The following PIAS1 variants were observed in gnomAD, a reference collection of about 807,000 sequenced individuals.
The protein encoded by PIAS1 is protein inhibitor of activated STAT 1.
A neutral mutation model predicts 71.3 loss-of-function variants in PIAS1; 6 were observed. The observed-to-expected ratio is 0.08, with a 90% CI of 0.05 to 0.17. The LOEUF (loss-of-function observed/expected upper bound fraction) is 0.17. Among genes scored for constraint, PIAS1 ranks in the 10% least tolerant of loss-of-function variants. The pLI is 1.00. For synonymous variants in PIAS1, 303 were observed against 292.9 expected, an observed-to-expected ratio of 1.03 and a Z score of -0.35; for missense variants, 555 against 793.6, an observed-to-expected ratio of 0.70 and a Z score of 3.61.
chr15:68,116,415 G>A (rs2141015035), intron 2 of PIAS1, among the ~76,000 whole-genome samples: 1 of 152,108 alleles, frequency 6.6e-6, no homozygotes, highest in African/African-American at 2.4e-5. Flanking sequence ...CACATCCATA[G>A]AATATGTAGT....
At chr15:68,087,376 C>G (rs1016236195) in intron 2 of PIAS1, among the ~76,000 whole-genome samples, 2 of 152,058 alleles carry the variant, frequency 1.3e-5, no homozygotes, top group African/African-American at 4.8e-5. Flanking sequence ...ATATATTAAT[C>G]AACTTGTAAT....
At chr15:68,062,716 T>C (rs1488343988) in intron 1 of PIAS1, among the ~76,000 whole-genome samples, 1 of 152,232 alleles carries the variant, frequency 6.6e-6, no homozygotes, top group Non-Finnish European at 1.5e-5. Flanking sequence ...TAATTTATTG[T>C]GTGTGTGTAT....
intron 1 of PIAS1, among the ~76,000 whole-genome samples, chr15:68,081,138 A>G (rs1428879616): frequency 1.3e-5 from 2 of 152,210 alleles, no homozygotes; most frequent in Non-Finnish European, 2.9e-5. Context: ...GAGTTTGCGT[A>G]CATATATATC....
chr15:68,172,630 T>C (rs150216124), intron 8 of PIAS1, among the ~76,000 whole-genome samples: 1,533 of 152,310 alleles, frequency 0.01, 23 homozygotes, highest in African/African-American at 0.034. Context: ...TGGCAAATAA[T>C]GTGGTTATTG....
intron 1 of PIAS1, among the ~76,000 whole-genome samples, chr15:68,080,042 G>C (rs1036341443): frequency 6.6e-6 from 1 of 152,072 alleles, no homozygotes; most frequent in Non-Finnish European, 1.5e-5. Flanking sequence ...ATGTTGGTCA[G>C]GCTGGTCTCA....
At chr15:68,138,230 G>A (rs2092747084) in intron 2 of PIAS1, among the ~76,000 whole-genome samples, 1 of 152,108 alleles carries the variant, frequency 6.6e-6, no homozygotes, top group African/African-American at 2.4e-5. Context: ...CTGTGACTCT[G>A]CTATATGTTT....
intron 1 of PIAS1, among the ~76,000 whole-genome samples, chr15:68,068,380 T>C (rs1240184435): frequency 6.6e-6 from 1 of 152,096 alleles, no homozygotes; most frequent in Non-Finnish European, 1.5e-5. Context: ...TGCTCATAGA[T>C]TTCAGTAAGT....
At chr15:68,072,399 CAAAAAAAAAAAA>C (rs1166484451) in intron 1 of PIAS1, among the ~76,000 whole-genome samples, 73 of 25,026 alleles carry the variant, frequency 2.9e-3, no homozygotes, top group Non-Finnish European at 4.2e-3. Context: ...GACTCCATCT[CAAAAAAAAAAAA>C]AAAAAAAAAA....
At chr15:68,076,237 G>C (rs949754398) in intron 1 of PIAS1, among the ~76,000 whole-genome samples, 1 of 152,138 alleles carries the variant, frequency 6.6e-6, no homozygotes, top group Non-Finnish European at 1.5e-5. Context: ...CAGGCTGGGC[G>C]CGGTGGCTCA....
At chr15:68,161,628 G>A (rs2092925166) in intron 7 of PIAS1, among the ~76,000 whole-genome samples, 1 of 151,844 alleles carries the variant, frequency 6.6e-6, no homozygotes, top group Non-Finnish European at 1.5e-5. Context: ...AATAATATTA[G>A]GCTATTTTAA....
At chr15:68,124,701 C>CAA (rs2092637653) in intron 2 of PIAS1, among the ~76,000 whole-genome samples, 1 of 151,460 alleles carries the variant, frequency 6.6e-6, no homozygotes, top group African/African-American at 2.4e-5. Context: ...GCCTGAGCAA[C>CAA]AGAGAGAGAC....
At chr15:68,065,592 A>G (rs2092009809) in intron 1 of PIAS1, among the ~76,000 whole-genome samples, 1 of 151,440 alleles carries the variant, frequency 6.6e-6, no homozygotes, top group South Asian at 2.1e-4. Context: ...TCTCGAGAAA[A>G]AAAAAAAAAA....
At position 68,173,836 on chromosome 15, in the gene PIAS1, C is replaced by G. The variant is rs763417125; in HGVS notation, c.1113C>G (p.Thr371=). The G allele has an allele frequency of 2.5e-6, 4 of 1,599,952 alleles. No individual in the cohort carries two copies. The South Asian group carries it at 4.5e-5, about 18-fold the overall frequency. The change falls in exon 9 of 14, where the codon ACC becomes ACG. Residue 371 remains threonine (T), a synonymous_variant. Coordinates refer to ENST00000249636, the MANE Select transcript of PIAS1 (RefSeq NM_016166.3). The surrounding 1 kb of genome is among the most constrained non-coding windows in gnomAD (Gnocchi z 4.3). Reference sequence around the variant, plus strand: ...TTCAGATGAATGAGAAAAAACCAACCTGGGTTTGTCCTGTCTGTGATAAGA... The same window carrying G: ...TTCAGATGAATGAGAAAAAACCAACGTGGGTTTGTCCTGTCTGTGATAAGA... The part of the protein sequence containing the change: ...LYIQMNEKKP[T]WVCPVCDKKA...
At chr15:68,123,578 TA>T (rs1386378413) in intron 2 of PIAS1, among the ~76,000 whole-genome samples, 5 of 152,144 alleles carry the variant, frequency 3.3e-5, no homozygotes, top group Non-Finnish European at 5.9e-5. Context: ...GCCTTATATA[TA>T]AAAAAATCTT....
At chr15:68,101,026 G>C (rs893233999) in intron 2 of PIAS1, among the ~76,000 whole-genome samples, 1 of 151,880 alleles carries the variant, frequency 6.6e-6, no homozygotes, top group African/African-American at 2.4e-5. Flanking sequence ...AGCCTCCCAG[G>C]TAGTCAGGAC....
intron 1 of PIAS1, among the ~76,000 whole-genome samples, chr15:68,085,556 T>A (rs185005943): frequency 1.2e-3 from 177 of 152,314 alleles, no homozygotes; most frequent in African/African-American, 4.0e-3. Context: ...CCTAATGGTT[T>A]AGTGGAAAGA....
At chr15:68,106,351 C>CAAAAAAAAAAAAAAAAAAAA (rs11313083) in intron 2 of PIAS1, among the ~76,000 whole-genome samples, 1 of 92,858 alleles carries the variant, frequency 1.1e-5, no homozygotes, top group Non-Finnish European at 2.2e-5. Context: ...ATGACCTTTG[C>CAAAAAAAAAAAAAAAAAAAA]AAAAAAAAAA....
At chr15:68,076,729 A>G (rs185517617) in intron 1 of PIAS1, among the ~76,000 whole-genome samples, 109 of 152,292 alleles carry the variant, frequency 7.2e-4, no homozygotes, top group African/African-American at 2.6e-3. Flanking sequence ...GATTTTATAT[A>G]TGACACGGAA....
intron 4 of PIAS1, among the ~76,000 whole-genome samples, chr15:68,142,909 C>T (rs2092782137): frequency 6.6e-6 from 1 of 151,978 alleles, no homozygotes; most frequent in South Asian, 2.1e-4. Flanking sequence ...AATTTAGGAT[C>T]CATTTGAGAC....
Sources: allele counts gnomAD v4.1 joint callset (sites outside exome capture counted in the v4.1 genomes callset), GRCh38; gene constraint gnomAD v4.1.1; non-coding constraint Gnocchi (gnomAD v3.1); transcripts MANE v1.5; gene names NCBI Gene and HGNC (gene_info 2026-07-23, HGNC 2026-07-21).